Variants in ABITRAM observed in about 807,000 individuals in gnomAD.
ABITRAM encodes the protein protein Abitram.
In ABITRAM, 19 loss-of-function variants were observed where a neutral mutation model predicts 22.9. The ratio of observed to expected loss-of-function variants is 0.83; its 90% CI spans 0.58 to 1.22. ABITRAM has a LOEUF of 1.22. Among genes scored for constraint, ABITRAM ranks in the 50% most tolerant of loss-of-function variants. The pLI, the probability that ABITRAM is intolerant of heterozygous loss-of-function variation, is 0.00. For synonymous variants in ABITRAM, 70 were observed against 73.9 expected, an observed-to-expected ratio of 0.95 and a Z score of 0.27; for missense variants, 215 against 220.2, an observed-to-expected ratio of 0.98 and a Z score of 0.15.
chr9:108,949,985 C>G (rs1404620580), intron 3 of ABITRAM, among the ~76,000 whole-genome samples: 3 of 148,302 alleles, frequency 2.0e-5, no homozygotes, highest in African/African-American at 7.5e-5. Flanking sequence ...GATCATGCCA[C>G]TGCACTCCAG....
rs1422612323 is a variant in ABITRAM, at chr9:108,939,919, C to G, written c.*233C>G. 2 of 407,360 alleles carry G rather than the reference C, an allele frequency of 4.9e-6. No homozygotes were observed. Among genetic ancestry groups the G allele is most frequent in the African/African-American group, 4.1e-5 (2 of 48,926 alleles). 25.2% of individuals were successfully genotyped at this position (407,360 alleles called of 1,614,324 possible). On this transcript the variant is annotated 3_prime_UTR_variant, in exon 6 of 6. Coordinates refer to ENST00000322940, the MANE Select transcript of ABITRAM (RefSeq NM_017832.4). ...CCCATGTACTCACACTGTTCTCTTGCATCTCTCTAACAACTGGCATGCAAG... is the reference window on the plus strand; with the variant it reads ...CCCATGTACTCACACTGTTCTCTTGGATCTCTCTAACAACTGGCATGCAAG...
Position 108,936,043 on chromosome 9 carries a change from ATTTC to A in ABITRAM, c.132-261_132-258del, listed in dbSNP as rs1587934078. On this transcript the variant is annotated intron_variant, in intron 2 of 5. Transcript: ENST00000322940. ...TATCTCGTATACACAGGCATGCCTT[ATTTC>A]TTTGTCTTCTACCCCAGTGCTACCT... The A allele has an allele frequency of 9.9e-6, 5 of 504,022 alleles. No homozygotes were observed. The East Asian group carries it at 1.7e-4, about 17-fold the overall frequency. 31.2% of individuals were successfully genotyped at this position (504,022 alleles called of 1,614,324 possible). A position where few individuals can be genotyped will look rare whatever the true frequency, so the allele number is the denominator to read the frequency against.
chr9:108,935,764 C>A, intron 2 of ABITRAM, 75 bp downstream of exon 2: 2 of 922,172 alleles, frequency 2.2e-6, no homozygotes, highest in South Asian at 2.8e-5. Context: ...GTCTTGTGGT[C>A]TTGGATTGAA....
chr9:108,941,546 G>A (rs1181424395), downstream of ABITRAM, among the ~76,000 whole-genome samples: 3 of 152,184 alleles, frequency 2.0e-5, no homozygotes, highest in Non-Finnish European at 2.9e-5. Context: ...TAACAGAGCT[G>A]AGTGCATCAC....
chr9:108,949,482 C>A (rs1244038632), intron 3 of ABITRAM, among the ~76,000 whole-genome samples: 1 of 152,132 alleles, frequency 6.6e-6, no homozygotes, highest in Non-Finnish European at 1.5e-5. Flanking sequence ...CCAAGGTGGG[C>A]AGATCACTTG....
At chr9:108,934,662 C>T in intron 1 of ABITRAM, 97 bp downstream of exon 1, 1 of 1,174,210 alleles carries the variant, frequency 8.5e-7, no homozygotes, top group East Asian at 3.0e-5. Flanking sequence ...CTCTCCCTGG[C>T]TCTCCGTCCC....
At chr9:108,946,917 GA>G (rs900638269) in intron 3 of ABITRAM, among the ~76,000 whole-genome samples, 17 of 145,514 alleles carry the variant, frequency 1.2e-4, no homozygotes, top group Admixed American at 1.4e-4. Context: ...GGGCCAAACT[GA>G]AAAAAAAAAT....
chr9:108,950,540 A>G lies in ABITRAM; in HGVS notation c.295A>G (p.Ile99Val), dbSNP rs998278941. The G allele has an allele frequency of 5.2e-6, 8 of 1,550,478 alleles. 1 individual carries two copies. The highest frequency in any genetic ancestry group is 7.0e-6 in the Non-Finnish European group (8 of 1,146,934). The change falls in exon 4 of 4, where the codon ATC becomes GTC. Residue 99 changes from isoleucine (I) to valine (V), a missense_variant. Ile to Val is a conservative substitution (Grantham distance 29, BLOSUM62 3). Coordinates refer to the ABITRAM transcript ENST00000374624. The stretch of plus-strand genomic sequence containing the variant: ...CTATCTAGAAAAGGTAGAAGACGTC[A>G]TCAAGAGGAAAATGATGCCTCTAAG...
At chr9:108,946,984 A>G (rs754042822) in intron 3 of ABITRAM, among the ~76,000 whole-genome samples, 6 of 152,196 alleles carry the variant, frequency 3.9e-5, no homozygotes, top group Non-Finnish European at 8.8e-5. Context: ...TCTGCTTTAC[A>G]GAAAAATCCA....
chr9:108,947,402 C>T (rs1410617318), intron 3 of ABITRAM, among the ~76,000 whole-genome samples: 7 of 152,044 alleles, frequency 4.6e-5, no homozygotes, highest in African/African-American at 1.4e-4. Flanking sequence ...CGTGAGCCAC[C>T]GCGCCTGGCC....
downstream of ABITRAM, among the ~76,000 whole-genome samples, chr9:108,942,410 T>G (rs965781965): frequency 6.6e-6 from 1 of 152,236 alleles, no homozygotes; most frequent in African/African-American, 2.4e-5. Flanking sequence ...ATTAGTGATC[T>G]AGATGATAAA....
At position 108,936,328 on chromosome 9, in the gene ABITRAM, C is replaced by T; in HGVS notation, c.152C>T (p.Ala51Val). The stretch of plus-strand genomic sequence containing the variant: ...TGTAGAATATGTGTCATCACATTGG[C>T]AGAATCTCATCCAGTTCTTCAAAGT... ...HSNRICVITL[A>V]ESHPVLQSGK... Residue 51 changes from alanine to valine, a missense_variant, in exon 3 of 6, where the codon GCA becomes GTA. Transcript: ENST00000322940. 1 of 1,613,536 alleles carries T rather than the reference C, an allele frequency of 6.2e-7. No homozygotes were observed. Among genetic ancestry groups the T allele is most frequent in the Non-Finnish European group, 8.5e-7 (1 of 1,179,810 alleles).
At chr9:108,941,981 C>A (rs571742349), downstream of ABITRAM, among the ~76,000 whole-genome samples, 1 of 152,288 alleles carries the variant, frequency 6.6e-6, no homozygotes, top group South Asian at 2.1e-4. Context: ...TAAATAGATT[C>A]TTGGCTTCCT....
rs1232504431 is a variant in ABITRAM at position 108,940,030 on chromosome 9, A to T, written c.*344A>T. ...GAGTTTTAAGTAGCCAAGTAAAAAT[A>T]ATTTACCCATCATCCCATAATCCAG... On this transcript the variant is annotated 3_prime_UTR_variant, in exon 6 of 6. Transcript: ENST00000322940. 4 of 208,114 alleles carry T rather than the reference A, an allele frequency of 1.9e-5. No homozygotes were observed. Among genetic ancestry groups the T allele is most frequent in the Non-Finnish European group, 3.8e-5 (4 of 104,472 alleles). The allele number at this position is 208,114 out of a possible 1,614,324, so 12.9% of individuals were successfully genotyped here.
chr9:108,950,480 C>T (rs1430961499), intron 3 of ABITRAM: 11 of 1,545,644 alleles, frequency 7.1e-6, no homozygotes, highest in Non-Finnish European at 8.7e-6. Context: ...ATTTCTAACT[C>T]CTATCATTTC....
chr9:108,940,995 C>T (rs1830249115), downstream of ABITRAM: 1 of 152,164 alleles, frequency 6.6e-6, no homozygotes, highest in Non-Finnish European at 1.5e-5. Context: ...TATCTATCCT[C>T]TTATGCTGTT....
At chr9:108,936,281 C>G in intron 2 of ABITRAM, 27 bp from the exon 3 acceptor site, 1 of 1,606,068 alleles carries the variant, frequency 6.2e-7, no homozygotes, top group Non-Finnish European at 8.5e-7. Context: ...CAAGCAATCA[C>G]ACAGGATCAA....
chr9:108,950,228 C>T (rs1282576482), intron 3 of ABITRAM, among the ~76,000 whole-genome samples: 5 of 152,162 alleles, frequency 3.3e-5, no homozygotes, highest in Non-Finnish European at 5.9e-5. Flanking sequence ...TTCAGTTAGT[C>T]TGTGCAAATT....
chr9:108,939,452 A>C lies in ABITRAM; in HGVS notation c.406A>C (p.Lys136Gln), dbSNP rs750065551. The C allele has an allele frequency of 7.5e-6, 12 of 1,608,728 alleles. No homozygotes were observed. The highest frequency in any genetic ancestry group is 9.3e-6 in the Non-Finnish European group (11 of 1,178,744). ...CCATAAGCCATCTATTCTTCAAGAA[A>C]AGGTAAAAGAGAGAGAAAAAATATG... is the stretch of plus-strand genomic sequence containing the variant. ...ILHKPSILQE[K>Q]PSTEGYIAVV... The change falls in exon 5 of 6, where the codon AAG becomes CAG. Residue 136 changes from lysine (K) to glutamine (Q), a missense_variant and splice_region_variant. By Grantham distance (53) the Lys-to-Gln change is moderately conservative. Coordinates refer to ENST00000322940, the MANE Select transcript of ABITRAM (RefSeq NM_017832.4).
Sources: allele counts gnomAD v4.1 joint callset (sites outside exome capture counted in the v4.1 genomes callset), GRCh38; gene constraint gnomAD v4.1.1; transcripts MANE v1.5; gene names NCBI Gene and HGNC (gene_info 2026-07-23, HGNC 2026-07-21).